LRBA: variants seen among roughly 807,000 people sequenced by gnomAD.
LRBA encodes the protein lipopolysaccharide-responsive and beige-like anchor protein.
LRBA carries 176 observed loss-of-function variants against 330.0 expected under a neutral mutation model. The observed-to-expected ratio is 0.53, with a 90% confidence interval of 0.47 to 0.60. The LOEUF (loss-of-function observed/expected upper bound fraction) is 0.60, where lower values mean the gene tolerates loss of function less well. LRBA is among the 20% of genes least tolerant of loss of function. LRBA has a pLI of 0.00. For synonymous variants in LRBA, 1,230 were observed against 1,193.0 expected, an observed-to-expected ratio of 1.03 and a Z score of -0.64; for missense variants, 3,259 against 3,444.8, an observed-to-expected ratio of 0.95 and a Z score of 1.35.
intron 2 of LRBA, among the ~76,000 whole-genome samples, chr4:150,999,694 CAA>C (rs956746037): frequency 6.8e-6 from 1 of 146,426 alleles, no homozygotes; most frequent in African/African-American, 2.6e-5. Context: ...CCCAGAATGA[CAA>C]ATTTAAAAAA....
intron 37 of LRBA, among the ~76,000 whole-genome samples, chr4:150,631,656 A>C (rs182591752): frequency 1.3e-5 from 2 of 152,340 alleles, no homozygotes; most frequent in East Asian, 1.9e-4. Context: ...TGGCCTTATT[A>C]ATCTTTACCA....
chr4:150,557,270 A>G (rs1225621770), intron 40 of LRBA, among the ~76,000 whole-genome samples: 1 of 152,244 alleles, frequency 6.6e-6, no homozygotes, highest in Non-Finnish European at 1.5e-5. Flanking sequence ...CATTGAAAAT[A>G]AGAAAAATTC....
intron 31 of LRBA, among the ~76,000 whole-genome samples, chr4:150,812,430 G>C (rs1167934590): frequency 6.6e-6 from 1 of 152,062 alleles, no homozygotes; most frequent in Non-Finnish European, 1.5e-5. Flanking sequence ...GGTCCCTGCG[G>C]GTCTAAATAA....
intron 2 of LRBA, among the ~76,000 whole-genome samples, chr4:150,962,169 C>A (rs1428724211): frequency 6.7e-6 from 1 of 149,334 alleles, no homozygotes; most frequent in Non-Finnish European, 1.5e-5. Context: ...TTTTTTTCTA[C>A]ATATGTTCAA....
chr4:150,721,737 C>G (rs1728964918), intron 36 of LRBA, among the ~76,000 whole-genome samples: 1 of 152,168 alleles, frequency 6.6e-6, no homozygotes, highest in South Asian at 2.1e-4. Flanking sequence ...TACTCAGCCT[C>G]CCGAGTAGCT....
intron 36 of LRBA, among the ~76,000 whole-genome samples, chr4:150,702,791 A>T (rs1373855315): frequency 6.6e-6 from 1 of 152,104 alleles, no homozygotes; most frequent in Non-Finnish European, 1.5e-5. Flanking sequence ...CTCAACCCTT[A>T]AAAAAAATCC....
chr4:150,998,030 G>A (rs966998118), intron 2 of LRBA, among the ~76,000 whole-genome samples: 8 of 151,874 alleles, frequency 5.3e-5, no homozygotes, highest in African/African-American at 1.9e-4. Context: ...TAAAAGCTAT[G>A]AAAACTCTTT....
At chr4:150,743,465 A>G (rs537946324) in intron 35 of LRBA, among the ~76,000 whole-genome samples, 1 of 152,344 alleles carries the variant, frequency 6.6e-6, no homozygotes, top group African/African-American at 2.4e-5. Flanking sequence ...CATTAAGAGG[A>G]AAAATAAACC....
At chr4:150,763,857 TAAG>T (rs913432374) in intron 34 of LRBA, among the ~76,000 whole-genome samples, 4 of 152,068 alleles carry the variant, frequency 2.6e-5, no homozygotes, top group Middle Eastern at 3.4e-3. Context: ...GCTTAGGATT[TAAG>T]AAGATGAAGA....
chr4:150,423,618 TCCTCACCAACAGC>T (rs1333822009), intron 46 of LRBA: 23 of 309,038 alleles, frequency 7.4e-5, no homozygotes, highest in Non-Finnish European at 1.4e-4. Context: ...TGGTGAAATG[TCCTCACCAACAGC>T]CCTTCTGGCA....
chr4:150,576,377 A>AT (rs1770552342), intron 40 of LRBA, among the ~76,000 whole-genome samples: 1 of 151,990 alleles, frequency 6.6e-6, no homozygotes, highest in Non-Finnish European at 1.5e-5. Context: ...ATATGCCAAT[A>AT]TAAGTGTGAA....
intron 46 of LRBA, chr4:150,423,500 A>T: frequency 2.0e-6 from 1 of 508,346 alleles, no homozygotes. Flanking sequence ...ATTTCTTTCC[A>T]TGGACCTGGG....
intron 35 of LRBA, among the ~76,000 whole-genome samples, chr4:150,758,292 T>A (rs1734586394): frequency 6.6e-6 from 1 of 152,198 alleles, no homozygotes; most frequent in Non-Finnish European, 1.5e-5. Context: ...AGACACTATT[T>A]CTATATTCCA....
chr4:150,640,137 A>C (rs1229925088), intron 37 of LRBA, among the ~76,000 whole-genome samples: 1 of 151,828 alleles, frequency 6.6e-6, no homozygotes, highest in East Asian at 1.9e-4. Flanking sequence ...GAATACAGGC[A>C]TGAGCCACCA....
chr4:150,688,764 C>T (rs1222927445), intron 36 of LRBA, among the ~76,000 whole-genome samples: 2 of 152,076 alleles, frequency 1.3e-5, no homozygotes, highest in East Asian at 3.9e-4. Context: ...CCATCTCATG[C>T]CAGTTAGAAT....
Position 150,583,386 on chromosome 4 carries a change from G to A in LRBA, c.6330+4662C>T, listed in dbSNP as rs767785923. ...CTCTCTGGGTCGAGTTCATCACGGCGTCGGGCTATCTCTCAGCGCGTAAGA... is the reference window on the plus strand; with the variant it reads ...CTCTCTGGGTCGAGTTCATCACGGCATCGGGCTATCTCTCAGCGCGTAAGA... On this transcript the variant is annotated intron_variant, in intron 40 of 56. Transcript: ENST00000651943. The surrounding 1 kb of genome is among the most constrained non-coding windows in gnomAD (Gnocchi z 9.8). 2 of 1,614,088 alleles carry A rather than the reference G, an allele frequency of 1.2e-6. No individual in the cohort carries two copies. Among genetic ancestry groups the A allele is most frequent in the Admixed American group, 3.3e-5 (2 of 60,034 alleles).
chr4:150,771,687 T>C (rs1436393335), intron 34 of LRBA, among the ~76,000 whole-genome samples: 1 of 152,152 alleles, frequency 6.6e-6, no homozygotes, highest in Non-Finnish European at 1.5e-5. Flanking sequence ...ATCAGGGACT[T>C]ACTGTTGGTC....
chr4:150,991,169 C>CT (rs995841126), intron 2 of LRBA, among the ~76,000 whole-genome samples: 1 of 151,792 alleles, frequency 6.6e-6, no homozygotes, highest in Non-Finnish European at 1.5e-5. Flanking sequence ...CCACTACAAA[C>CT]TTACTAGAAT....
At chr4:150,742,533 A>G (rs571153092) in intron 35 of LRBA, among the ~76,000 whole-genome samples, 2 of 152,238 alleles carry the variant, frequency 1.3e-5, no homozygotes, top group East Asian at 3.9e-4. Flanking sequence ...CCTAGCAGTC[A>G]TCAACAATGA....
Sources: gnomAD v4.1 joint callset for allele counts (sites outside exome capture counted in the v4.1 genomes callset) on GRCh38, gnomAD v4.1.1 for gene constraint, Gnocchi (gnomAD v3.1) non-coding constraint, MANE v1.5 for transcripts, NCBI Gene and HGNC (gene_info 2026-07-23, HGNC 2026-07-21) for gene names.